The following MTSS2 variants were observed in gnomAD, a reference collection of about 807,000 sequenced individuals.
MTSS2 encodes MTSS I-BAR domain containing 2, also known as protein MTSS 2.
Under a neutral mutation model 67.1 loss-of-function variants are expected in MTSS2, and 27 were observed. That is an observed-to-expected ratio of 0.40 (90% CI 0.30 to 0.55). The LOEUF is 0.55. MTSS2 is among the 20% of genes least tolerant of loss of function. MTSS2 has a pLI of 0.43. For synonymous variants in MTSS2, 624 were observed against 468.6 expected (o/e 1.33, Z -4.28); for missense variants, 1,171 against 1,067.8 (o/e 1.10, Z -1.35).
chr16:70,678,494 C>T (rs2053193449), intron 7 of MTSS2, 85 bp from the exon 8 acceptor site: 2 of 1,483,486 alleles, frequency 1.3e-6, no homozygotes, highest in African/African-American at 2.8e-5. Context: ...CTGGTGGTGG[C>T]ATCTCTCGGC....
intron 4 of MTSS2, 38 bp downstream of exon 4, chr16:70,679,933 T>TACCCC: frequency 8.7e-7 from 1 of 1,149,452 alleles, no homozygotes; most frequent in Non-Finnish European, 1.2e-6. Context: ...CGACGCCCCG[T>TACCCC]CCCCCCGCCC....
intron 11 of MTSS2, among the ~76,000 whole-genome samples, chr16:70,666,444 C>G (rs997196499): frequency 2.0e-5 from 3 of 152,210 alleles, no homozygotes; most frequent in Non-Finnish European, 4.4e-5. Flanking sequence ...CCCATGAAAT[C>G]CTGAGCATGT....
rs1376193558 is a variant in MTSS2 at position 70,661,844 on chromosome 16, C to G, written c.*1833G>C. 1 of 161,182 alleles carries G rather than the reference C, an allele frequency of 6.2e-6. No homozygotes were observed. The highest frequency in any genetic ancestry group is 2.4e-5 in the African/African-American group (1 of 41,468). The allele number at this position is 161,182 out of a possible 1,614,324, so 10.0% of individuals were successfully genotyped here. Reference sequence around the variant, plus strand: ...CCCCTCACTCTATTCCCACCACATCCTGAATCCTGCTCCACCGCCCTGCCT... The same window carrying G: ...CCCCTCACTCTATTCCCACCACATCGTGAATCCTGCTCCACCGCCCTGCCT... On this transcript the variant is annotated 3_prime_UTR_variant, in exon 15 of 15. Coordinates refer to ENST00000338779, the MANE Select transcript of MTSS2 (RefSeq NM_138383.3).
chr16:70,685,260 G>A (rs1313902247), intron 1 of MTSS2, among the ~76,000 whole-genome samples: 1 of 152,192 alleles, frequency 6.6e-6, no homozygotes, highest in Non-Finnish European at 1.5e-5. Flanking sequence ...GCCTAGGTCG[G>A]CGGGGAAGGA....
At chr16:70,666,524 G>A (rs1048547381) in intron 11 of MTSS2, among the ~76,000 whole-genome samples, 1 of 152,236 alleles carries the variant, frequency 6.6e-6, no homozygotes, top group African/African-American at 2.4e-5. Context: ...TCACGGTGAG[G>A]TGTTGGCCTG....
rs74824510 is a variant in MTSS2 at position 70,666,263 on chromosome 16, C to A, written c.1054-723G>T. On this transcript the variant is annotated intron_variant, in intron 11 of 14. Coordinates refer to ENST00000338779, the MANE Select transcript of MTSS2 (RefSeq NM_138383.3). The stretch of plus-strand genomic sequence containing the variant: ...TGGGGCACAGGGTGTCCATGGAGAC[C>A]CCGAGGAGAACTGCTACCATAGAAG... 3.9e-5 allele frequency among the ~76,000 whole-genome samples: 6 copies of A among 152,114 alleles called. No individual in the cohort carries two copies. The East Asian group carries it at 9.7e-4, about 24-fold the overall frequency.
In MTSS2 at chr16:70,663,593, G is replaced by T; in HGVS notation, c.*84C>A. 5.5e-6 allele frequency: 8 copies of T among 1,456,824 alleles called. No individual in the cohort carries two copies. The highest frequency in any genetic ancestry group is 7.2e-6 in the Non-Finnish European group (8 of 1,103,546). 90.2% of individuals were successfully genotyped at this position (1,456,824 alleles called of 1,614,324 possible). A position where few individuals can be genotyped will look rare whatever the true frequency, so the allele number is the denominator to read the frequency against. ...CCTGGCTCTGTCCTCTCTCCTGGCT[G>T]GGCCTTTGCTCTGAGTGCCTGCGGC... On this transcript the variant is annotated 3_prime_UTR_variant, in exon 15 of 15. Coordinates refer to ENST00000338779, the MANE Select transcript of MTSS2 (RefSeq NM_138383.3).
chr16:70,675,668 G>T (rs140105975), intron 10 of MTSS2, among the ~76,000 whole-genome samples: 1 of 152,112 alleles, frequency 6.6e-6, no homozygotes. Flanking sequence ...CGCCTGCCTC[G>T]GCCTCCCGAA....
chr16:70,677,690 C>T, intron 9 of MTSS2, 102 bp downstream of exon 9: 1 of 891,028 alleles, frequency 1.1e-6, no homozygotes, highest in Middle Eastern at 2.3e-4. Flanking sequence ...CTAGCTGCCT[C>T]CCCCAAATGC....
intron 8 of MTSS2, 24 bp downstream of exon 8, chr16:70,678,228 G>C (rs1282112911): frequency 3.1e-6 from 5 of 1,592,106 alleles, no homozygotes; most frequent in Non-Finnish European, 4.3e-6. Context: ...ACCCCTCTGG[G>C]GTCTGAGTCC....
At chr16:70,665,731 A>C (rs926694541) in intron 11 of MTSS2, 191 bp from the exon 12 acceptor site, 2 of 528,190 alleles carry the variant, frequency 3.8e-6, no homozygotes, top group Non-Finnish European at 6.6e-6. Flanking sequence ...ACAGCAGCCC[A>C]GAGTGCACAC....
chr16:70,673,942 T>C (rs1490246606), intron 11 of MTSS2, among the ~76,000 whole-genome samples: 2 of 151,770 alleles, frequency 1.3e-5, no homozygotes, highest in African/African-American at 4.8e-5. Context: ...AAGTCAAGGG[T>C]AGAGACAAGA....
chr16:70,681,154 G>A (rs2053294188), intron 1 of MTSS2, 129 bp from the exon 2 acceptor site: 3 of 826,694 alleles, frequency 3.6e-6, no homozygotes, highest in Non-Finnish European at 5.6e-6. Flanking sequence ...GCCCCATGGA[G>A]AGGGAGGCTC....
intron 1 of MTSS2, among the ~76,000 whole-genome samples, chr16:70,684,218 G>A (rs954004345): frequency 1.3e-5 from 2 of 152,212 alleles, no homozygotes; most frequent in African/African-American, 4.8e-5. Context: ...GATCGGCCAG[G>A]GGAGGGTGGT....
chr16:70,674,670 G>A, intron 10 of MTSS2, 142 bp from the exon 11 acceptor site: 1 of 730,480 alleles, frequency 1.4e-6, no homozygotes, highest in Non-Finnish European at 2.3e-6. Flanking sequence ...GAGGTCCTGA[G>A]ACCCAGGTGC....
chr16:70,664,916 C>T lies in MTSS2; in HGVS notation c.1305+4G>A, dbSNP rs1009105210. The T allele has an allele frequency of 1.3e-6, 2 of 1,541,478 alleles. No individual in the cohort carries two copies. Among genetic ancestry groups the T allele is most frequent in the African/African-American group, 2.7e-5 (2 of 73,702 alleles). On this transcript the variant is annotated splice_donor_region_variant and intron_variant, in intron 13 of 14. Transcript: ENST00000338779. ...GGCGTGAAGGGGGGCCCTGGCCAGCCTACCTTGGCTGCGATGGTGGCAGGG... is the reference window on the plus strand; with the variant it reads ...GGCGTGAAGGGGGGCCCTGGCCAGCTTACCTTGGCTGCGATGGTGGCAGGG...
At chr16:70,676,433 C>A (rs145025482) in intron 10 of MTSS2, among the ~76,000 whole-genome samples, 1 of 152,198 alleles carries the variant, frequency 6.6e-6, no homozygotes, top group Admixed American at 6.5e-5. Flanking sequence ...TTTCTAGAAG[C>A]CTTCCCATCT....
In MTSS2 at chr16:70,674,212, CTCAACAGCTATAG is replaced by C. The variant is rs2053033975; in HGVS notation, c.1053+81_1053+93del. 7.0e-6 allele frequency: 8 copies of C among 1,137,762 alleles called. No individual in the cohort carries two copies. The African/African-American group carries it at 9.2e-5, about 13-fold the overall frequency. The allele number at this position is 1,137,762 out of a possible 1,614,324, so 70.5% of individuals were successfully genotyped here. A position where few individuals can be genotyped will look rare whatever the true frequency, so the allele number is the denominator to read the frequency against. On this transcript the variant is annotated intron_variant, in intron 11 of 14. Coordinates refer to ENST00000338779, the MANE Select transcript of MTSS2 (RefSeq NM_138383.3). ...GGCCAGTCTCAACAGCTATAGTAGT[CTCAACAGCTATAG>C]TAGTCCCGCATGTGGCTTGCCTGAT...
chr16:70,680,665 A>C, intron 3 of MTSS2, 129 bp downstream of exon 3: 1 of 789,080 alleles, frequency 1.3e-6, no homozygotes, highest in Admixed American at 2.3e-5. Flanking sequence ...AGCCCACTCC[A>C]CTAAGGAGCA....
Sources: allele counts gnomAD v4.1 joint callset (sites outside exome capture counted in the v4.1 genomes callset), GRCh38; gene constraint gnomAD v4.1.1; transcripts MANE v1.5; gene names NCBI Gene and HGNC (gene_info 2026-07-23, HGNC 2026-07-21).